DLC1: variants seen among roughly 807,000 people sequenced by gnomAD.
The protein encoded by DLC1 is DLC1 Rho GTPase activating protein.
In DLC1, 54 loss-of-function variants were observed where a neutral mutation model predicts 140.3. That is an observed-to-expected ratio of 0.38 (90% CI 0.31 to 0.48). The LOEUF is 0.48. Ranked by LOEUF, DLC1 falls within the 20% of genes least tolerant of loss-of-function variation. The pLI, the probability that DLC1 is intolerant of heterozygous loss-of-function variation, is 0.96. For missense variants in DLC1, 2,536 were observed against 1,907.0 expected (o/e 1.33, Z -6.14); for synonymous variants, 986 against 728.1 (o/e 1.35, Z -5.70).
At chr8:13,287,861 G>A (rs1299894578) in intron 5 of DLC1, among the ~76,000 whole-genome samples, 1 of 151,808 alleles carries the variant, frequency 6.6e-6, no homozygotes, top group East Asian at 1.9e-4. Context: ...TTATTATAAG[G>A]TAGATTTTCC....
intron 1 of DLC1, among the ~76,000 whole-genome samples, chr8:13,589,376 A>G (rs1315182194): frequency 2.6e-5 from 4 of 152,118 alleles, no homozygotes; most frequent in South Asian, 4.1e-4. Context: ...GCAAGGCACA[A>G]TGAGTCTCCA....
At chr8:13,501,948 T>C (rs1433835123) in intron 1 of DLC1, among the ~76,000 whole-genome samples, 1 of 152,224 alleles carries the variant, frequency 6.6e-6, no homozygotes, top group African/African-American at 2.4e-5. Context: ...TTTTCTCTCT[T>C]TATTTTTATC....
chr8:13,416,648 A>C (rs1424655703), intron 2 of DLC1, among the ~76,000 whole-genome samples: 1 of 152,172 alleles, frequency 6.6e-6, no homozygotes, highest in Non-Finnish European at 1.5e-5. Flanking sequence ...AAATAGGAAA[A>C]TGTTCAGATT....
chr8:13,264,481 A>G (rs989833371), intron 5 of DLC1, among the ~76,000 whole-genome samples: 1 of 152,218 alleles, frequency 6.6e-6, no homozygotes, highest in African/African-American at 2.4e-5. Context: ...AAACTTTTAA[A>G]TGTGCAAAAT....
chr8:13,134,953 G>A (rs1482086975), intron 5 of DLC1, among the ~76,000 whole-genome samples: 1 of 152,160 alleles, frequency 6.6e-6, no homozygotes, highest in African/African-American at 2.4e-5. Context: ...CTACAGCCTG[G>A]TGGGAGGAAG....
intron 1 of DLC1, chr8:13,567,788 C>G (rs1233730236): frequency 1.9e-6 from 3 of 1,551,762 alleles, no homozygotes; most frequent in African/African-American, 1.4e-5. Context: ...AAAAGACTGA[C>G]TGAGAAAAGT....
At chr8:13,389,567 AT>A (rs1836662517) in intron 4 of DLC1, among the ~76,000 whole-genome samples, 2 of 152,126 alleles carry the variant, frequency 1.3e-5, no homozygotes, top group African/African-American at 2.4e-5. Flanking sequence ...TTTAACTTTC[AT>A]TTTTTTATGA....
intron 7 of DLC1, among the ~76,000 whole-genome samples, chr8:13,107,805 C>T (rs1434668697): frequency 6.6e-6 from 1 of 152,136 alleles, no homozygotes; most frequent in Non-Finnish European, 1.5e-5. Flanking sequence ...TAATCCCCAG[C>T]CCTTTGGGAG....
Position 13,142,096 on chromosome 8 carries a change from C to A in DLC1, c.1349-26439G>T, listed in dbSNP as rs561298728. Among the ~76,000 whole-genome samples, 74 of 152,324 alleles carry A rather than the reference C, an allele frequency of 4.9e-4. 1 individual carries two copies. In the South Asian group the frequency reaches 0.015, roughly 30 times the overall value. On this transcript the variant is annotated intron_variant, in intron 5 of 17. Transcript: ENST00000276297. ...GCTTTTTCCCACACTCATACATACA[C>A]AGTCGCTCCTGCCGCCTTGTGAAGA...
At chr8:13,175,270 A>G (rs931549551) in intron 5 of DLC1, among the ~76,000 whole-genome samples, 5 of 146,620 alleles carry the variant, frequency 3.4e-5, no homozygotes, top group Admixed American at 2.7e-4. Flanking sequence ...GCTTTATAAT[A>G]TAGTTTGAAG....
intron 1 of DLC1, among the ~76,000 whole-genome samples, chr8:13,575,721 C>T (rs1312610629): frequency 1.3e-5 from 2 of 152,158 alleles, no homozygotes; most frequent in Non-Finnish European, 2.9e-5. Context: ...TCAGGCCTGT[C>T]ACCTGAAACT....
chr8:13,503,514 G>C (rs1801915931), intron 1 of DLC1, among the ~76,000 whole-genome samples: 1 of 152,166 alleles, frequency 6.6e-6, no homozygotes, highest in Admixed American at 6.5e-5. Context: ...TTTTGCACTT[G>C]TCTCTGAAAT....
In DLC1 at chr8:13,338,405, T is replaced by C. The variant is rs1408736959; in HGVS notation, c.1315-33103A>G. On this transcript the variant is annotated intron_variant, in intron 4 of 17. Coordinates refer to ENST00000276297, the MANE Select transcript of DLC1 (RefSeq NM_182643.3). Reference sequence around the variant, plus strand: ...AATCCTGAAGTTAAGAGTTGCTGCATTGGGCCCTTGCTTGATTTTTATTAG... The same window carrying C: ...AATCCTGAAGTTAAGAGTTGCTGCACTGGGCCCTTGCTTGATTTTTATTAG... Among the ~76,000 whole-genome samples the C allele has an allele frequency of 1.1e-4, 16 of 152,294 alleles. No individual in the cohort carries two copies. The South Asian group carries it at 2.7e-3, about 26-fold the overall frequency.
intron 13 of DLC1, among the ~76,000 whole-genome samples, chr8:13,091,727 T>TG (rs762979507): frequency 1.6e-4 from 25 of 152,100 alleles, no homozygotes; most frequent in Non-Finnish European, 2.8e-4. Flanking sequence ...TGTGTTTGCA[T>TG]GGTGGGGGAG....
intron 8 of DLC1, among the ~76,000 whole-genome samples, chr8:13,102,187 C>G (rs1252674922): frequency 6.6e-6 from 1 of 152,314 alleles, no homozygotes; most frequent in East Asian, 1.9e-4. Context: ...ACTCCCAGTA[C>G]TACACCCACC....
intron 2 of DLC1, among the ~76,000 whole-genome samples, chr8:13,474,209 A>T (rs988226323): frequency 5.3e-5 from 8 of 152,160 alleles, no homozygotes; most frequent in Admixed American, 6.5e-5. Flanking sequence ...AGCCATGAAT[A>T]AGAGGAGCCA....
upstream of DLC1, chr8:13,515,376 A>G (rs940684425): frequency 1.2e-4 from 18 of 152,194 alleles, no homozygotes; most frequent in Non-Finnish European, 2.5e-4. Context: ...TAATAGAACG[A>G]TTTCTTCCAG....
chr8:13,404,964 G>T (rs982779245), intron 2 of DLC1, among the ~76,000 whole-genome samples: 12 of 152,166 alleles, frequency 7.9e-5, no homozygotes, highest in African/African-American at 2.2e-4. Flanking sequence ...CCAAGATCGT[G>T]CCATTGTACT....
intron 5 of DLC1, among the ~76,000 whole-genome samples, chr8:13,190,889 C>T (rs892883876): frequency 6.6e-6 from 1 of 152,150 alleles, no homozygotes; most frequent in Non-Finnish European, 1.5e-5. Context: ...ACTCCGTTTC[C>T]ACCCTTTCTT....
Sources: gnomAD v4.1 joint callset for allele counts (sites outside exome capture counted in the v4.1 genomes callset) on GRCh38, gnomAD v4.1.1 for gene constraint, MANE v1.5 for transcripts, NCBI Gene and HGNC (gene_info 2026-07-23, HGNC 2026-07-21) for gene names.